KIAA1217: variants seen among roughly 807,000 people sequenced by gnomAD.
The protein encoded by KIAA1217 is sickle tail protein homolog.
Under a neutral mutation model 163.9 loss-of-function variants are expected in KIAA1217, and 88 were observed. The observed-to-expected ratio is 0.54, with a 90% CI of 0.45 to 0.64. The LOEUF (loss-of-function observed/expected upper bound fraction) is 0.64. KIAA1217 is among the 30% of genes least tolerant of loss of function. KIAA1217 has a pLI of 0.00. For synonymous variants in KIAA1217, 903 were observed against 923.1 expected (o/e 0.98, Z 0.39); for missense variants, 2,372 against 2,475.0 (o/e 0.96, Z 0.88).
intron 2 of KIAA1217, among the ~76,000 whole-genome samples, chr10:24,264,475 T>A (rs932269936): frequency 6.6e-6 from 1 of 151,894 alleles, no homozygotes; most frequent in Non-Finnish European, 1.5e-5. Context: ...AAGACCAGCT[T>A]TAGAGTTTAA....
intron 1 of KIAA1217, among the ~76,000 whole-genome samples, chr10:23,846,552 T>C (rs557435778): frequency 6.6e-6 from 1 of 152,240 alleles, no homozygotes; most frequent in African/African-American, 2.4e-5. Flanking sequence ...TGGTGTTGTA[T>C]AGGAATGCAT....
chr10:24,345,845 A>G (rs1044112117), intron 2 of KIAA1217, among the ~76,000 whole-genome samples: 6 of 152,152 alleles, frequency 3.9e-5, no homozygotes, highest in African/African-American at 1.2e-4. Context: ...TACCATCTTA[A>G]CCATTTTAAA....
intron 1 of KIAA1217, among the ~76,000 whole-genome samples, chr10:23,949,357 T>C (rs1193645611): frequency 6.6e-6 from 1 of 152,234 alleles, no homozygotes; most frequent in Non-Finnish European, 1.5e-5. Flanking sequence ...AGTTGATTTA[T>C]ATGTATTTAC....
chr10:23,790,416 T>C lies in KIAA1217; in HGVS notation c.-321+95182T>C, dbSNP rs1295920666. ...GTATATATACATATATACATATACA[T>C]ATATACATATATACATATACATATA... On this transcript the variant is annotated intron_variant, in intron 1 of 18. Coordinates refer to the KIAA1217 transcript ENST00000376462. Among the ~76,000 whole-genome samples the C allele has an allele frequency of 7.8e-4, 62 of 79,896 alleles. 5 individuals carry two copies. Among genetic ancestry groups the C allele is most frequent in the East Asian group, 3.8e-3 (7 of 1,828 alleles). The allele number at this position is 79,896 out of a possible 152,430, so 52.4% of individuals were successfully genotyped here. A position where few individuals can be genotyped will look rare whatever the true frequency, so the allele number is the denominator to read the frequency against.
At chr10:23,821,843 G>A (rs150797805) in intron 1 of KIAA1217, among the ~76,000 whole-genome samples, 1,892 of 152,190 alleles carry the variant, frequency 0.012, 32 homozygotes, top group African/African-American at 0.043. Context: ...ATTAGGAAGG[G>A]GCCTCCAGCT....
Position 24,420,313 on chromosome 10 carries a change from G to T in KIAA1217, c.554-12682G>T, listed in dbSNP as rs552859942. On this transcript the variant is annotated intron_variant, in intron 3 of 20. Coordinates refer to ENST00000376454, the MANE Select transcript of KIAA1217 (RefSeq NM_019590.5). ...AATTACTAATTTATTGGCCACTGGA[G>T]TTTCCCTCTCATTGAATTGCCTATT... is the stretch of plus-strand genomic sequence containing the variant. 5.3e-5 allele frequency among the ~76,000 whole-genome samples: 8 copies of T among 152,234 alleles called. No individual in the cohort carries two copies. In the South Asian group the frequency reaches 1.2e-3, roughly 24 times the overall value.
chr10:24,447,820 A>C (rs2061066715), intron 5 of KIAA1217, among the ~76,000 whole-genome samples: 1 of 152,178 alleles, frequency 6.6e-6, no homozygotes, highest in Admixed American at 6.5e-5. Context: ...TCAGTCTATC[A>C]GTATAATTTG....
chr10:24,447,486 G>T (rs1371089709), intron 5 of KIAA1217, among the ~76,000 whole-genome samples: 1 of 152,094 alleles, frequency 6.6e-6, no homozygotes, highest in Non-Finnish European at 1.5e-5. Context: ...AACATGTGGT[G>T]TTTGGTTTTC....
Position 24,177,285 on chromosome 10 carries a change from ATATATATATATATT to A in KIAA1217, c.-170-42340_-170-42327del, listed in dbSNP as rs1286069424. Among the ~76,000 whole-genome samples, 54 of 113,320 alleles carry A rather than the reference ATATATATATATATT, an allele frequency of 4.8e-4. 1 individual carries two copies. Among genetic ancestry groups the A allele is most frequent in the East Asian group, 9.7e-4 (4 of 4,122 alleles). The allele number at this position is 113,320 out of a possible 152,430, so 74.3% of individuals were successfully genotyped here. ...TATATATATATATATATATATATAT[ATATATATATATATT>A]ACAATTTCTTTGTCATATATATCAC... On this transcript the variant is annotated intron_variant, in intron 2 of 18. Transcript: ENST00000376462.
chr10:24,164,603 G>A (rs908618041), intron 2 of KIAA1217, among the ~76,000 whole-genome samples: 2 of 152,162 alleles, frequency 1.3e-5, no homozygotes, highest in African/African-American at 4.8e-5. Context: ...TAGTTTGATG[G>A]ATGTGAGTTT....
At chr10:24,234,417 A>G (rs2071893170) in intron 2 of KIAA1217, among the ~76,000 whole-genome samples, 2 of 152,216 alleles carry the variant, frequency 1.3e-5, no homozygotes, top group Admixed American at 1.3e-4. Flanking sequence ...TAATCCCAAC[A>G]CTTTGGGAGG....
intron 5 of KIAA1217, among the ~76,000 whole-genome samples, chr10:24,469,327 G>A (rs1478239991): frequency 6.6e-6 from 1 of 151,894 alleles, no homozygotes; most frequent in Non-Finnish European, 1.5e-5. Flanking sequence ...GTTTTGCCAT[G>A]TTGCCCAAGC....
At chr10:23,947,318 A>C (rs529310971) in intron 1 of KIAA1217, among the ~76,000 whole-genome samples, 2 of 152,228 alleles carry the variant, frequency 1.3e-5, no homozygotes, top group Non-Finnish European at 2.9e-5. Context: ...AAAAGCTTCC[A>C]AAGAACCTTT....
intron 2 of KIAA1217, among the ~76,000 whole-genome samples, chr10:24,187,059 G>A (rs1227662772): frequency 2.6e-5 from 4 of 152,038 alleles, no homozygotes; most frequent in Non-Finnish European, 2.9e-5. Flanking sequence ...TTTTACGATG[G>A]TTTTATTGAT....
chr10:24,074,478 C>G (rs908469581), intron 2 of KIAA1217, among the ~76,000 whole-genome samples: 2 of 152,150 alleles, frequency 1.3e-5, no homozygotes, highest in African/African-American at 4.8e-5. Flanking sequence ...CTCTCTGATT[C>G]TTTCCCTTCT....
chr10:23,851,652 C>G (rs1252503858), intron 1 of KIAA1217, among the ~76,000 whole-genome samples: 1 of 152,170 alleles, frequency 6.6e-6, no homozygotes, highest in Non-Finnish European at 1.5e-5. Context: ...GTTCCTATTT[C>G]TCCACATCCT....
At position 23,734,263 on chromosome 10, in the gene KIAA1217, G is replaced by A. The variant is rs559346408; in HGVS notation, c.-321+39029G>A. ...TATTCTTACTTTAGAAGTTATCATT[G>A]CCTTTGAATTTAGATTTAAACCTTT... On this transcript the variant is annotated intron_variant, in intron 1 of 18. Transcript: ENST00000376462. Among the ~76,000 whole-genome samples, 42 of 150,250 alleles carry A rather than the reference G, an allele frequency of 2.8e-4. No individual in the cohort carries two copies. The South Asian group carries it at 3.6e-3, about 13-fold the overall frequency.
At chr10:24,468,241 G>C (rs1309170966) in intron 5 of KIAA1217, among the ~76,000 whole-genome samples, 7 of 152,052 alleles carry the variant, frequency 4.6e-5, no homozygotes, top group Admixed American at 3.9e-4. Flanking sequence ...CCTTAGGTTG[G>C]TCCCTGTCTT....
chr10:24,107,941 G>T (rs1322859733), intron 2 of KIAA1217, among the ~76,000 whole-genome samples: 1 of 152,170 alleles, frequency 6.6e-6, no homozygotes, highest in Non-Finnish European at 1.5e-5. Flanking sequence ...AATATTAATG[G>T]TTTGATCACA....
Sources: gnomAD v4.1 joint callset for allele counts (sites outside exome capture counted in the v4.1 genomes callset) on GRCh38, gnomAD v4.1.1 for gene constraint, MANE v1.5 for transcripts, NCBI Gene and HGNC (gene_info 2026-07-23, HGNC 2026-07-21) for gene names.